LNX1: variants seen among roughly 807,000 people sequenced by gnomAD.
LNX1 encodes E3 ubiquitin-protein ligase LNX.
Under a neutral mutation model 68.4 loss-of-function variants are expected in LNX1, and 54 were observed. The ratio of observed to expected loss-of-function variants is 0.79; its 90% confidence interval spans 0.63 to 0.99. LNX1 has a LOEUF of 0.99. LNX1 is among the 50% of genes least tolerant of loss of function. The pLI, the probability that LNX1 is intolerant of heterozygous loss-of-function variation, is 0.00. For synonymous variants in LNX1, 336 were observed against 350.0 expected (o/e 0.96, Z 0.45); for missense variants, 906 against 926.4 (o/e 0.98, Z 0.29).
Position 53,591,370 on chromosome 4 carries a change from T to C in LNX1, c.-87+18A>G, listed in dbSNP as rs1732496312. The C allele has an allele frequency of 3.0e-6, 3 of 985,004 alleles. No homozygotes were observed. Among genetic ancestry groups the C allele is most frequent in the Non-Finnish European group, 3.6e-6 (3 of 829,780 alleles). The allele number at this position is 985,004 out of a possible 1,614,324, so 61.0% of individuals were successfully genotyped here. Reference sequence around the variant, plus strand: ...TGGTCTAAATGCCAAGAGAGAAAAATGGAGGGTTTCAACTCACCTCTTCAA... The same window carrying C: ...TGGTCTAAATGCCAAGAGAGAAAAACGGAGGGTTTCAACTCACCTCTTCAA... On this transcript the variant is annotated intron_variant, in intron 1 of 10. Coordinates refer to ENST00000263925, the MANE Select transcript of LNX1 (RefSeq NM_001126328.3).
At chr4:53,652,277 T>G (rs1182868784) in exon 1 of LNX1, 3 of 152,264 alleles carry the variant, frequency 2.0e-5, no homozygotes, top group African/African-American at 7.2e-5. Flanking sequence ...TTTCTTTCTC[T>G]TTCCAGTGTT....
At chr4:53,603,812 C>G (rs953583910) in intron 2 of LNX1, 1 of 152,242 alleles carries the variant, frequency 6.6e-6, no homozygotes, top group African/African-American at 2.4e-5. Flanking sequence ...TACATTTCAA[C>G]ATGAGATTTG....
intron 4 of LNX1, among the ~76,000 whole-genome samples, chr4:53,504,791 GC>G (rs1725755764): frequency 6.6e-6 from 1 of 152,094 alleles, no homozygotes; most frequent in African/African-American, 2.4e-5. Flanking sequence ...GAATACGGAG[GC>G]CCAAGAAGAG....
intron 2 of LNX1, among the ~76,000 whole-genome samples, chr4:53,562,537 A>G (rs893083377): frequency 3.3e-5 from 5 of 152,224 alleles, no homozygotes; most frequent in African/African-American, 9.6e-5. Context: ...TCAAGTATTT[A>G]TATTTAGTAG....
Position 53,517,872 on chromosome 4 carries a change from TG to T in LNX1, c.381-9646del, listed in dbSNP as rs1726904013. Among the ~76,000 whole-genome samples, 3 of 152,290 alleles carry T rather than the reference TG, an allele frequency of 2.0e-5. No homozygotes were observed. The South Asian group carries it at 6.2e-4, about 32-fold the overall frequency. ...TCATCAGCTGGGCAAGTCCACCATC[TG>T]GTATTCAGTGTAGATCCGAGTATGA... On this transcript the variant is annotated intron_variant, in intron 2 of 10. Coordinates refer to ENST00000263925, the MANE Select transcript of LNX1 (RefSeq NM_001126328.3).
At chr4:53,630,422 A>G (rs542741062) in intron 1 of LNX1, among the ~76,000 whole-genome samples, 1 of 152,250 alleles carries the variant, frequency 6.6e-6, no homozygotes, top group African/African-American at 2.4e-5. Context: ...AGACAAGGTG[A>G]CCTTCTTGTT....
At chr4:53,581,560 C>T (rs1045010608) in intron 1 of LNX1, among the ~76,000 whole-genome samples, 8 of 152,198 alleles carry the variant, frequency 5.3e-5, no homozygotes, top group Non-Finnish European at 1.0e-4. Flanking sequence ...ACAATCATGG[C>T]GGAAGGTGAA....
chr4:53,485,623 T>C (rs1365936907), intron 6 of LNX1, among the ~76,000 whole-genome samples: 4 of 152,164 alleles, frequency 2.6e-5, no homozygotes, highest in African/African-American at 7.2e-5. Context: ...TGTAAATTGC[T>C]CACAGGAAGA....
chr4:53,551,656 CT>C (rs1443710561), intron 2 of LNX1, among the ~76,000 whole-genome samples: 3 of 152,178 alleles, frequency 2.0e-5, no homozygotes, highest in Non-Finnish European at 4.4e-5. Flanking sequence ...TGCAACCCCC[CT>C]GGAAGCATGC....
intron 2 of LNX1, 188 bp from the exon 3 acceptor site, chr4:53,508,415 G>A: frequency 1.0e-5 from 7 of 672,028 alleles, no homozygotes; most frequent in South Asian, 4.5e-5. Flanking sequence ...CCAACCAAGT[G>A]AATTCATAAT....
At chr4:53,645,233 C>A (rs1368783692) in intron 1 of LNX1, among the ~76,000 whole-genome samples, 1 of 152,192 alleles carries the variant, frequency 6.6e-6, no homozygotes, top group Non-Finnish European at 1.5e-5. Context: ...GGCAAGGGAA[C>A]TCTCGGGAGG....
At chr4:53,528,896 C>CAATCA (rs988694608) in intron 2 of LNX1, among the ~76,000 whole-genome samples, 2 of 152,008 alleles carry the variant, frequency 1.3e-5, no homozygotes, top group Non-Finnish European at 2.9e-5. Flanking sequence ...AACATCAGCT[C>CAATCA]AATCAGAGTT....
At chr4:53,499,025 T>G (rs1725282032) in intron 4 of LNX1, among the ~76,000 whole-genome samples, 182 bp from the exon 5 acceptor site, 1 of 152,174 alleles carries the variant, frequency 6.6e-6, no homozygotes, top group South Asian at 2.1e-4. Context: ...CATCCTGAGC[T>G]TAAACCCAAT....
chr4:53,642,343 T>C (rs1734719754), intron 1 of LNX1, among the ~76,000 whole-genome samples: 1 of 152,154 alleles, frequency 6.6e-6, no homozygotes. Context: ...ATATGCTATA[T>C]TTAAAATGTA....
chr4:53,615,469 C>T (rs773364491), intron 2 of LNX1, among the ~76,000 whole-genome samples: 26 of 152,162 alleles, frequency 1.7e-4, no homozygotes, highest in Non-Finnish European at 3.4e-4. Flanking sequence ...TAGCCTAGCT[C>T]CCTCGTGTAT....
rs370694474 is a variant in LNX1, at chr4:53,509,235, C to T, written c.381-1008G>A. Among the ~76,000 whole-genome samples the T allele has an allele frequency of 8.5e-5, 13 of 152,320 alleles. No individual in the cohort carries two copies. The East Asian group carries it at 1.9e-3, about 23-fold the overall frequency. ...AGTTGTGAAGGCAGAAATCATATCA[C>T]GAGCCCCTTTAGGAAGTGTCCATTT... On this transcript the variant is annotated intron_variant, in intron 2 of 10. Coordinates refer to ENST00000263925, the MANE Select transcript of LNX1 (RefSeq NM_001126328.3).
chr4:53,507,178 C>G (rs1453977680), intron 4 of LNX1, 139 bp downstream of exon 4: 4 of 839,376 alleles, frequency 4.8e-6, no homozygotes, highest in Non-Finnish European at 7.3e-6. Context: ...GAGAAGTAGG[C>G]TAATCAAAGT....
chr4:53,511,528 C>G (rs943237868), intron 2 of LNX1, among the ~76,000 whole-genome samples: 2 of 152,274 alleles, frequency 1.3e-5, no homozygotes, highest in African/African-American at 4.8e-5. Flanking sequence ...AAAGCACAAG[C>G]TTTGGAGGTG....
rs1444246424 is a variant in LNX1, at chr4:53,459,777, CCA to C, written c.*1128_*1129del. On this transcript the variant is annotated 3_prime_UTR_variant, in exon 11 of 11. Transcript: ENST00000263925. ...GAAAAGGTCAAGGGTTCCACTTGGG[CCA>C]CAGTTTTTTTGTTAATCAAACACCA... 3.1e-6 allele frequency: 1 copy of C among 322,450 alleles called. No homozygotes were observed. The highest frequency in any genetic ancestry group is 5.8e-6 in the Non-Finnish European group (1 of 173,344). 20.0% of individuals were successfully genotyped at this position (322,450 alleles called of 1,614,324 possible).
Sources: allele counts gnomAD v4.1 joint callset (sites outside exome capture counted in the v4.1 genomes callset), GRCh38; gene constraint gnomAD v4.1.1; transcripts MANE v1.5; gene names NCBI Gene and HGNC (gene_info 2026-07-23, HGNC 2026-07-21).